MLH3: variants seen among roughly 807,000 people sequenced by gnomAD.
MLH3 encodes mutL homolog 3, also known as DNA mismatch repair protein Mlh3.
MLH3 carries 82 observed loss-of-function variants against 122.2 expected under a neutral mutation model. The observed-to-expected ratio is 0.67, with a 90% CI of 0.56 to 0.81. The LOEUF is 0.81. MLH3 is among the 30% of genes least tolerant of loss of function. MLH3 has a pLI of 0.00. For synonymous variants in MLH3, 524 were observed against 599.5 expected, an observed-to-expected ratio of 0.87 and a Z score of 1.84; for missense variants, 1,539 against 1,714.5, an observed-to-expected ratio of 0.90 and a Z score of 1.81.
intron 7 of MLH3, 139 bp downstream of exon 7, chr14:75,033,280 C>T: frequency 2.7e-6 from 2 of 730,232 alleles, no homozygotes; most frequent in East Asian, 5.4e-5. Context: ...ACAGGCCAAA[C>T]TGCAGGACTT....
intron 9 of MLH3, among the ~76,000 whole-genome samples, chr14:75,029,015 T>C (rs1272683029): frequency 6.7e-6 from 1 of 148,390 alleles, no homozygotes; most frequent in Non-Finnish European, 1.5e-5. Context: ...CGGGGCATGG[T>C]GGTGTGCGCC....
rs745693169 is a variant in MLH3, at chr14:75,049,166, G to A, written c.490C>T (p.Pro164Ser). The part of the protein sequence containing the change: ...QLPVRRKCMD[P>S]RLEFEKVRQR... ...CTAACCTTCTCAAACTCCAGTCTAG[G>A]GTCCATGCATTTCCTCCTTACAGGA... Residue 164 changes from proline to serine, a missense_variant, in exon 2 of 13, where the codon CCT (proline) becomes TCT (serine). Physicochemically the swap from Pro to Ser is moderately conservative, Grantham distance 74. Transcript: ENST00000355774. 3 of 1,614,078 alleles carry A rather than the reference G, an allele frequency of 1.9e-6. No individual in the cohort carries two copies. The highest frequency in any genetic ancestry group is 2.5e-6 in the Non-Finnish European group (3 of 1,180,012).
chr14:75,049,747 A>G, intron 1 of MLH3, 29 bp from the exon 2 acceptor site: 1 of 1,248,872 alleles, frequency 8.0e-7, no homozygotes, highest in Non-Finnish European at 1.1e-6. Context: ...ACACACGCAC[A>G]TAATCAAAGC....
intron 6 of MLH3, chr14:75,036,749 A>G (rs1229808126): frequency 4.4e-6 from 2 of 456,030 alleles, no homozygotes; most frequent in African/African-American, 4.0e-5. Context: ...TCAGCTATGG[A>G]GGCCAGAACA....
At chr14:75,038,630 C>T (rs557156134) in intron 5 of MLH3, among the ~76,000 whole-genome samples, 6 of 151,962 alleles carry the variant, frequency 3.9e-5, no homozygotes, top group African/African-American at 7.2e-5. Flanking sequence ...GGGAGGGAGG[C>T]GACAGGGGAA....
intron 4 of MLH3, 84 bp downstream of exon 4, chr14:75,041,531 G>A (rs2139489643): frequency 9.3e-7 from 1 of 1,080,236 alleles, no homozygotes; most frequent in South Asian, 1.3e-5. Flanking sequence ...CTGGGCAACA[G>A]GAGCAAAACT....
Position 75,017,075 on chromosome 14 carries a change from T to A in MLH3, c.*7A>T, listed in dbSNP as rs200989192. The stretch of plus-strand genomic sequence containing the variant: ...CCTTTGTTCCTTTTAGACCAGTGAT[T>A]CTGTTCTCATGGTGGCTCACAGGGA... On this transcript the variant is annotated 3_prime_UTR_variant, in exon 13 of 13. Transcript: ENST00000355774. 5.6e-5 allele frequency: 90 copies of A among 1,613,688 alleles called. No individual in the cohort carries two copies. The highest frequency in any genetic ancestry group is 7.2e-5 in the Non-Finnish European group (85 of 1,179,712).
chr14:75,038,325 A>C lies in MLH3; in HGVS notation c.3643+15T>G, dbSNP rs756251107. ...GACCAGCTGGTTAATCATTCAGGCT[A>C]AACTCCATTCTTACCTGCCTCGCCA... On this transcript the variant is annotated intron_variant, in intron 6 of 12. Transcript: ENST00000355774. 2 of 1,602,206 alleles carry C rather than the reference A, an allele frequency of 1.2e-6. No individual in the cohort carries two copies. The highest frequency in any genetic ancestry group is 1.7e-6 in the Non-Finnish European group (2 of 1,169,166).
chr14:75,027,039 C>T (rs778497692), intron 9 of MLH3, among the ~76,000 whole-genome samples: 6 of 151,810 alleles, frequency 4.0e-5, no homozygotes, highest in Admixed American at 2.6e-4. Flanking sequence ...GCGGAGGTTG[C>T]AGTGAGCTGA....
rs1420496802 is a variant in MLH3, at chr14:75,038,412, C to A, written c.3571G>T (p.Val1191Phe). Residue 1191 changes from valine to phenylalanine, a missense_variant and splice_region_variant, in exon 6 of 13, where the codon GTT becomes TTT. Transcript: ENST00000355774. The part of the protein sequence containing the change: ...FTKGMIHSMQ[V>F]LQQVDNKFIA... ...AACTTGTTATCTACTTGCTGGAGAA[C>A]CTGTCAGACATTCAAATAAGTGGTA... The A allele has an allele frequency of 1.9e-6, 3 of 1,604,960 alleles. No homozygotes were observed. Among genetic ancestry groups the A allele is most frequent in the Non-Finnish European group, 1.7e-6 (2 of 1,172,000 alleles).
At chr14:75,027,802 C>T (rs1440732035) in intron 9 of MLH3, among the ~76,000 whole-genome samples, 2 of 149,814 alleles carry the variant, frequency 1.3e-5, no homozygotes, top group East Asian at 2.0e-4. Context: ...TAAATGACCA[C>T]CAGGGAATTA....
intron 2 of MLH3, among the ~76,000 whole-genome samples, chr14:75,045,137 C>G (rs1179733089): frequency 6.6e-6 from 1 of 152,204 alleles, no homozygotes; most frequent in Non-Finnish European, 1.5e-5. Context: ...CGAGACAAGC[C>G]TGGCCAACAC....
In MLH3 at chr14:75,015,561, C is replaced by T. The variant is rs552449129; in HGVS notation, c.*1521G>A. 4.9e-5 allele frequency: 9 copies of T among 183,278 alleles called. No individual in the cohort carries two copies. Among genetic ancestry groups the T allele is most frequent in the Non-Finnish European group, 3.5e-5 (3 of 86,252 alleles). The allele number at this position is 183,278 out of a possible 1,614,324, so 11.4% of individuals were successfully genotyped here. ...TGCCACACTGGGCCTGGAGGCAGAG[C>T]CCCTGACAGCCTGGCAAATCCTCTG... On this transcript the variant is annotated 3_prime_UTR_variant, in exon 13 of 13. Coordinates refer to ENST00000355774, the MANE Select transcript of MLH3 (RefSeq NM_001040108.2).
Position 75,030,712 on chromosome 14 carries a change from T to A in MLH3, c.3828-10A>T, listed in dbSNP as rs1482447389. On this transcript the variant is annotated splice_polypyrimidine_tract_variant and intron_variant, in intron 8 of 12. Coordinates refer to ENST00000355774, the MANE Select transcript of MLH3 (RefSeq NM_001040108.2). ...ATTTTTGTGGTAACACCTAAAGAGA[T>A]AACCTCAAATGTTAAAAAAAAAAAG... 1.2e-6 allele frequency: 2 copies of A among 1,611,158 alleles called. No homozygotes were observed. Among genetic ancestry groups the A allele is most frequent in the South Asian group, 2.2e-5 (2 of 91,010 alleles).
chr14:75,042,502 G>C, intron 2 of MLH3, 25 bp from the exon 3 acceptor site: 1 of 1,557,048 alleles, frequency 6.4e-7, no homozygotes, highest in Non-Finnish European at 8.9e-7. Context: ...GAAAAACCTA[G>C]AAATGTGAAC....
At position 75,047,992 on chromosome 14, in the gene MLH3, T is replaced by C; in HGVS notation, c.1664A>G (p.Lys555Arg). 1 of 1,614,180 alleles carries C rather than the reference T, an allele frequency of 6.2e-7. No individual in the cohort carries two copies. The highest frequency in any genetic ancestry group is 8.5e-7 in the Non-Finnish European group (1 of 1,180,016). Residue 555 changes from lysine to arginine, a missense_variant, in exon 2 of 13, where the codon AAA becomes AGA. Lys to Arg is a conservative substitution (Grantham distance 26). Coordinates refer to ENST00000355774, the MANE Select transcript of MLH3 (RefSeq NM_001040108.2). ...NRIQNQPKRF[K>R]DATEVGCQPL... The stretch of plus-strand genomic sequence containing the variant: ...CTGGCATCCCACTTCAGTAGCATCT[T>C]TAAATCTCTTTGGTTGATTCTGAAT...
chr14:75,016,164 A>C lies in MLH3; in HGVS notation c.*918T>G, dbSNP rs1889875808. 4.5e-6 allele frequency: 1 copy of C among 222,304 alleles called. No individual in the cohort carries two copies. Among genetic ancestry groups the C allele is most frequent in the Admixed American group, 5.7e-5 (1 of 17,432 alleles). The allele number at this position is 222,304 out of a possible 1,614,324, so 13.8% of individuals were successfully genotyped here. ...CCAAGTGATATTATAAGGGCAATAG[A>C]TAGGCATAATGTAATAACACCAAGA... is the stretch of plus-strand genomic sequence containing the variant. On this transcript the variant is annotated 3_prime_UTR_variant, in exon 13 of 13. Transcript: ENST00000355774.
chr14:75,018,839 T>C lies in MLH3; in HGVS notation c.4232A>G (p.Gln1411Arg), dbSNP rs999151231. The C allele has an allele frequency of 2.5e-6, 4 of 1,614,198 alleles. No homozygotes were observed. Among genetic ancestry groups the C allele is most frequent in the Admixed American group, 1.7e-5 (1 of 60,026 alleles). ...LPLADIDHLE[Q>R]EKQIKPNLTK... ...TAGTCATTAATGTACCTGTTTTTCC[T>C]GTTCCAAGTGGTCTATGTCAGCTAA... Residue 1411 changes from glutamine (Q) to arginine (R), a missense_variant, in exon 12 of 13, where the codon CAG becomes CGG. Transcript: ENST00000355774.
intron 4 of MLH3, 30 bp downstream of exon 4, chr14:75,041,585 A>G: frequency 6.4e-7 from 1 of 1,550,578 alleles, no homozygotes; most frequent in South Asian, 1.1e-5. Flanking sequence ...AAGAAAAAAA[A>G]AAGGCAAAGA....
Sources: gnomAD v4.1 joint callset for allele counts (sites outside exome capture counted in the v4.1 genomes callset) on GRCh38, gnomAD v4.1.1 for gene constraint, MANE v1.5 for transcripts, NCBI Gene and HGNC (gene_info 2026-07-23, HGNC 2026-07-21) for gene names.